CGNL1: variants seen among roughly 807,000 people sequenced by gnomAD.
The protein encoded by CGNL1 is cingulin-like protein 1.
In CGNL1, 132 loss-of-function variants were observed where a neutral mutation model predicts 141.2. That is an observed-to-expected ratio of 0.93 (90% confidence interval 0.81 to 1.08). CGNL1 has a LOEUF of 1.08. Among genes scored for constraint, CGNL1 ranks in the 50% least tolerant of loss-of-function variants. CGNL1 has a pLI of 0.00. For missense variants in CGNL1, 1,870 were observed against 1,588.6 expected (o/e 1.18, Z -3.01); for synonymous variants, 690 against 622.1 (o/e 1.11, Z -1.63).
chr15:57,377,864 T>C (rs1331771666), intron 1 of CGNL1, among the ~76,000 whole-genome samples: 5 of 152,224 alleles, frequency 3.3e-5, no homozygotes, highest in African/African-American at 1.2e-4. Context: ...ACTTTAGGGT[T>C]TGGTCAGCTT....
At chr15:57,490,965 A>G (rs1489059337) in intron 8 of CGNL1, among the ~76,000 whole-genome samples, 1 of 152,204 alleles carries the variant, frequency 6.6e-6, no homozygotes, top group Non-Finnish European at 1.5e-5. Flanking sequence ...GTACTCCTCA[A>G]ACTGTTACAG....
At chr15:57,509,095 A>T (rs980568466) in intron 8 of CGNL1, among the ~76,000 whole-genome samples, 1 of 152,154 alleles carries the variant, frequency 6.6e-6, no homozygotes, top group South Asian at 2.1e-4. Flanking sequence ...GGGACGCATT[A>T]TTGTGACCCG....
chr15:57,531,813 T>C, intron 14 of CGNL1, 34 bp downstream of exon 14: 1 of 1,360,650 alleles, frequency 7.3e-7, no homozygotes. Context: ...GCGTGGATTG[T>C]CCTGTGTGAA....
chr15:57,391,022 A>G (rs1408086341), intron 1 of CGNL1, among the ~76,000 whole-genome samples: 2 of 152,190 alleles, frequency 1.3e-5, no homozygotes, highest in Non-Finnish European at 2.9e-5. Context: ...CCCAATCTTC[A>G]TAAGGATCCT....
chr15:57,544,670 C>T, intron 16 of CGNL1, 73 bp downstream of exon 16: 1 of 1,524,484 alleles, frequency 6.6e-7, no homozygotes, highest in Non-Finnish European at 8.9e-7. Flanking sequence ...TGTGTTGTCA[C>T]ATTTGGGATC....
Position 57,516,951 on chromosome 15 carries a change from G to A in CGNL1, c.2575G>A (p.Glu859Lys). Residue 859 changes from glutamate (E) to lysine (K), a missense_variant, in exon 9 of 19, where the codon GAA becomes AAA. Coordinates refer to ENST00000281282, the MANE Select transcript of CGNL1 (RefSeq NM_032866.5). ...GCAGATCGAGGACCTGAAAGGCGATGAAGCCAAGGCGAAGGAAACGCTGAA... is the reference window on the plus strand; with the variant it reads ...GCAGATCGAGGACCTGAAAGGCGATAAAGCCAAGGCGAAGGAAACGCTGAA... ...QRQIEDLKGD[E>K]AKAKETLKKY... 6.2e-7 allele frequency: 1 copy of A among 1,613,638 alleles called. No individual in the cohort carries two copies.
chr15:57,504,427 G>T (rs1188362095), intron 8 of CGNL1, among the ~76,000 whole-genome samples: 1 of 152,260 alleles, frequency 6.6e-6, no homozygotes, highest in African/African-American at 2.4e-5. Flanking sequence ...AATGAAGCTT[G>T]TGATGAACTC....
intron 1 of CGNL1, among the ~76,000 whole-genome samples, chr15:57,416,905 A>T (rs2062855029): frequency 6.6e-6 from 1 of 152,180 alleles, no homozygotes; most frequent in South Asian, 2.1e-4. Context: ...TCCAGAGTTC[A>T]GCTACAATAG....
intron 1 of CGNL1, among the ~76,000 whole-genome samples, chr15:57,417,579 A>G (rs1276060340): frequency 6.7e-5 from 10 of 149,634 alleles, no homozygotes; most frequent in African/African-American, 2.2e-4. Context: ...GTCAAATGCT[A>G]CATTAGTCAC....
chr15:57,405,628 C>T (rs1055956112), intron 1 of CGNL1, among the ~76,000 whole-genome samples: 4 of 152,134 alleles, frequency 2.6e-5, no homozygotes, highest in African/African-American at 9.7e-5. Context: ...GCAGTTCATT[C>T]ATAGGGCTCT....
In CGNL1 at chr15:57,431,387, C is replaced by G. The variant is rs1706351; in HGVS notation, c.-15-6598C>G. On this transcript the variant is annotated intron_variant, in intron 1 of 18. Coordinates refer to ENST00000281282, the MANE Select transcript of CGNL1 (RefSeq NM_032866.5). Reference sequence around the variant, plus strand: ...GTTTGGTCAGTTTCCTACATTTGCACTACAAAACACGTAGAGAGAAAACAT... The same window carrying G: ...GTTTGGTCAGTTTCCTACATTTGCAGTACAAAACACGTAGAGAGAAAACAT... Among the ~76,000 whole-genome samples, 1,509 of 152,312 alleles carry G rather than the reference C, an allele frequency of 9.9e-3. 23 individuals are homozygous for G. Among genetic ancestry groups the G allele is most frequent in the African/African-American group, 0.035 (1,448 of 41,566 alleles).
chr15:57,382,185 A>G lies in CGNL1; in HGVS notation c.-16+5618A>G, dbSNP rs1412701869. On this transcript the variant is annotated intron_variant, in intron 1 of 18. Transcript: ENST00000281282. ...AATTACCTCAAGCTCTTAAAATTACAGGTAGTAAGGGCTTAGAGGCCATAT... is the reference window on the plus strand; with the variant it reads ...AATTACCTCAAGCTCTTAAAATTACGGGTAGTAAGGGCTTAGAGGCCATAT... 2.0e-5 allele frequency among the ~76,000 whole-genome samples: 3 copies of G among 152,232 alleles called. No homozygotes were observed. The East Asian group carries it at 5.8e-4, about 29-fold the overall frequency.
intron 8 of CGNL1, among the ~76,000 whole-genome samples, chr15:57,490,391 G>T (rs1423405684): frequency 7.6e-6 from 1 of 131,952 alleles, no homozygotes; most frequent in East Asian, 2.2e-4. Context: ...GTAAGGAAGT[G>T]CTCCAAACAC....
intron 8 of CGNL1, among the ~76,000 whole-genome samples, chr15:57,505,546 C>G (rs1163307616): frequency 1.3e-5 from 2 of 152,160 alleles, no homozygotes; most frequent in African/African-American, 4.8e-5. Flanking sequence ...AGCTCTGTCT[C>G]AGGGAACAGC....
chr15:57,432,320 C>T lies in CGNL1; in HGVS notation c.-15-5665C>T, dbSNP rs2063054527. Among the ~76,000 whole-genome samples, 3 of 152,148 alleles carry T rather than the reference C, an allele frequency of 2.0e-5. No homozygotes were observed. The South Asian group carries it at 6.2e-4, about 32-fold the overall frequency. ...AGTTGTGGGGCGGGGATGTGTGGAC[C>T]AGCATTACGTGACTAATCTCCATGC... On this transcript the variant is annotated intron_variant, in intron 1 of 18. Coordinates refer to ENST00000281282, the MANE Select transcript of CGNL1 (RefSeq NM_032866.5).
intron 7 of CGNL1, among the ~76,000 whole-genome samples, chr15:57,456,664 A>G (rs1489736397): frequency 6.6e-6 from 1 of 152,066 alleles, no homozygotes; most frequent in South Asian, 2.1e-4. Context: ...AAAAATGATT[A>G]TAGAACAGGT....
Position 57,524,637 on chromosome 15 carries a change from G to A in CGNL1, c.2925G>A (p.Leu975=). Residue 975 remains leucine, a synonymous_variant, in exon 12 of 19, where the codon CTG becomes CTA. Coordinates refer to ENST00000281282, the MANE Select transcript of CGNL1 (RefSeq NM_032866.5). The part of the protein sequence containing the change: ...RTSTLELQNQ[L]DEYKEKNRRE... ...CAACCCTGGAGCTCCAGAACCAGCT[G>A]GATGAGTATAAGGAGAAAAACCGCA... 2 of 1,614,102 alleles carry A rather than the reference G, an allele frequency of 1.2e-6. No individual in the cohort carries two copies. The highest frequency in any genetic ancestry group is 2.2e-5 in the South Asian group (2 of 91,078).
intron 6 of CGNL1, 55 bp downstream of exon 6, chr15:57,452,344 C>G (rs2063332438): frequency 1.3e-6 from 2 of 1,523,706 alleles, no homozygotes; most frequent in Middle Eastern, 1.8e-4. Context: ...TGACATGTAG[C>G]TAGAAACTTT....
chr15:57,496,797 A>T (rs1169595342), intron 8 of CGNL1, among the ~76,000 whole-genome samples: 1 of 152,190 alleles, frequency 6.6e-6, no homozygotes, highest in African/African-American at 2.4e-5. Context: ...TAAAATCAGG[A>T]TAATTACAGA....
Sources: allele counts gnomAD v4.1 joint callset (sites outside exome capture counted in the v4.1 genomes callset), GRCh38; gene constraint gnomAD v4.1.1; transcripts MANE v1.5; gene names NCBI Gene and HGNC (gene_info 2026-07-23, HGNC 2026-07-21).